CCDC88C: variants seen among roughly 807,000 people sequenced by gnomAD.
CCDC88C encodes protein Daple.
Under a neutral mutation model 198.8 loss-of-function variants are expected in CCDC88C, and 131 were observed. The observed-to-expected ratio is 0.66, with a 90% CI of 0.57 to 0.76. The LOEUF (loss-of-function observed/expected upper bound fraction) is 0.76, where lower values mean the gene tolerates loss of function less well. CCDC88C is among the 30% of genes least tolerant of loss of function. CCDC88C has a pLI of 0.00. For missense variants in CCDC88C, 2,553 were observed against 2,631.6 expected, an observed-to-expected ratio of 0.97 and a Z score of 0.65; for synonymous variants, 1,166 against 1,114.7, an observed-to-expected ratio of 1.05 and a Z score of -0.92.
chr14:91,375,229 A>C (rs1290690314), intron 3 of CCDC88C, among the ~76,000 whole-genome samples: 1 of 152,176 alleles, frequency 6.6e-6, no homozygotes, highest in Non-Finnish European at 1.5e-5. Context: ...ATGAAGGGCC[A>C]CAGGCCCCAG....
At chr14:91,275,914 C>T (rs888425479) in intron 29 of CCDC88C, among the ~76,000 whole-genome samples, 2 of 149,814 alleles carry the variant, frequency 1.3e-5, no homozygotes, top group East Asian at 2.0e-4. Flanking sequence ...CTCCGCCTCC[C>T]GGGTTCACGC....
Position 91,342,417 on chromosome 14 carries a change from A to C in CCDC88C, c.446T>G (p.Ile149Ser). ...EFIERIKQLDIETQAGIVAHI... is the reference protein window; with the variant it reads ...EFIERIKQLDSETQAGIVAHI... ...GGCCACGATGCCAGCCTGGGTCTCA[A>C]TGTCCAGCTGTTTGATTCTTTCAAT... Residue 149 changes from isoleucine to serine, a missense_variant, in exon 6 of 30, where the codon ATT (isoleucine) becomes AGT (serine). Physicochemically the swap from Ile to Ser is moderately radical, Grantham distance 142 (BLOSUM62 -2). Transcript: ENST00000389857. 1 of 1,598,652 alleles carries C rather than the reference A, an allele frequency of 6.3e-7. No homozygotes were observed. The highest frequency in any genetic ancestry group is 8.5e-7 in the Non-Finnish European group (1 of 1,172,640).
At chr14:91,397,355 C>A (rs1885907101) in intron 3 of CCDC88C, among the ~76,000 whole-genome samples, 1 of 152,302 alleles carries the variant, frequency 6.6e-6, no homozygotes, top group South Asian at 2.1e-4. Flanking sequence ...GATGGCCGCT[C>A]CTGAAACAGG....
intron 14 of CCDC88C, among the ~76,000 whole-genome samples, chr14:91,314,802 T>A (rs1785924323): frequency 6.6e-6 from 1 of 152,056 alleles, no homozygotes; most frequent in South Asian, 2.1e-4. Flanking sequence ...CTAACCATCT[T>A]CTCTGGGCTT....
At chr14:91,362,465 C>T (rs1374383119) in intron 3 of CCDC88C, among the ~76,000 whole-genome samples, 1 of 152,172 alleles carries the variant, frequency 6.6e-6, no homozygotes, top group African/African-American at 2.4e-5. Flanking sequence ...CTGAAGGTCA[C>T]TGCAAAAAAT....
At chr14:91,340,367 A>AG (rs1486474916) in intron 6 of CCDC88C, among the ~76,000 whole-genome samples, 1 of 152,264 alleles carries the variant, frequency 6.6e-6, no homozygotes, top group Non-Finnish European at 1.5e-5. Flanking sequence ...CTTCAGGGTG[A>AG]GAGGGTGAGG....
At chr14:91,294,341 C>G (rs1292219218) in intron 22 of CCDC88C, 23 bp from the exon 23 acceptor site, 1 of 1,612,444 alleles carries the variant, frequency 6.2e-7, no homozygotes, top group Non-Finnish European at 8.5e-7. Flanking sequence ...CCAACAGCGT[C>G]TCAGACACCA....
chr14:91,274,104 A>AGGT (rs1889859182), intron 29 of CCDC88C, among the ~76,000 whole-genome samples: 1 of 151,686 alleles, frequency 6.6e-6, no homozygotes, highest in Non-Finnish European at 1.5e-5. Context: ...TGCGCCACCG[A>AGGT]GAGCAAGAGG....
chr14:91,352,107 A>G lies in CCDC88C; in HGVS notation c.340+7535T>C, dbSNP rs1040372485. Among the ~76,000 whole-genome samples the G allele has an allele frequency of 6.6e-6, 1 of 152,206 alleles. No individual in the cohort carries two copies. The highest frequency in any genetic ancestry group is 2.4e-5 in the African/African-American group (1 of 41,460). On this transcript the variant is annotated intron_variant, in intron 4 of 29. Coordinates refer to ENST00000389857, the MANE Select transcript of CCDC88C (RefSeq NM_001080414.4). This position sits in a 1 kb window ranked among gnomAD's most constrained non-coding sequence, Gnocchi z 4.2. ...GGTCCCTCCCAACCACCACGTGGAA[A>G]ACTCAAACATAAAGACCTTTGACAA...
intron 1 of CCDC88C, chr14:91,417,256 A>T (rs998486587): frequency 2.9e-6 from 2 of 697,818 alleles, no homozygotes; most frequent in Admixed American, 2.0e-5. Context: ...ACTACATGAG[A>T]TATTTGGTTG....
intron 2 of CCDC88C, among the ~76,000 whole-genome samples, chr14:91,416,086 G>A (rs1213805656): frequency 6.6e-6 from 1 of 152,214 alleles, no homozygotes; most frequent in Non-Finnish European, 1.5e-5. Flanking sequence ...ATCAGGCCGT[G>A]CAGAGCTCAG....
chr14:91,370,018 T>C (rs1471257856), intron 3 of CCDC88C, among the ~76,000 whole-genome samples: 3 of 152,230 alleles, frequency 2.0e-5, no homozygotes, highest in Non-Finnish European at 4.4e-5. Flanking sequence ...GTCGGTTCTT[T>C]GTTCACAGAA....
chr14:91,356,023 G>A (rs905850426), intron 4 of CCDC88C, among the ~76,000 whole-genome samples: 8 of 151,990 alleles, frequency 5.3e-5, no homozygotes, highest in Non-Finnish European at 7.4e-5. Context: ...CACACACGAC[G>A]GGGATAGATT....
In CCDC88C at chr14:91,339,908, G is replaced by C; in HGVS notation, c.600C>G (p.Ile200Met). 1 of 1,591,722 alleles carries C rather than the reference G, an allele frequency of 6.3e-7. No individual in the cohort carries two copies. Among genetic ancestry groups the C allele is most frequent in the Non-Finnish European group, 8.5e-7 (1 of 1,170,322 alleles). ...CCTCGGTGCACTCGTCCCGCTGGTCGATGAGCCTCCGCAGGTGGAGCACCA... is the reference window on the plus strand; with the variant it reads ...CCTCGGTGCACTCGTCCCGCTGGTCCATGAGCCTCCGCAGGTGGAGCACCA... ...RSMVLHLRRL[I>M]DQRDECTELI... Residue 200 changes from isoleucine (I) to methionine (M), a missense_variant, in exon 7 of 30, where the codon ATC becomes ATG. Physicochemically the swap from Ile to Met is conservative, Grantham distance 10. Around this residue, in one of 2 missense-constraint regions of CCDC88C, gnomAD observed 1,260 missense variants for 1,412.0 expected, o/e 0.89. Coordinates refer to ENST00000389857, the MANE Select transcript of CCDC88C (RefSeq NM_001080414.4). The surrounding 1 kb of genome is among the most constrained non-coding windows in gnomAD (Gnocchi z 5.8).
Position 91,338,138 on chromosome 14 carries a change from C to G in CCDC88C, c.917G>C (p.Arg306Pro). ...CTCGTCTCGATAGGCACGAGCAGAC[C>G]GGGCGTCTGCCGCTAGCTGGATGTT... ...QENIQLAADA[R>P]SARAYRDELD... The change falls in exon 10 of 30, where the codon CGG becomes CCG. Residue 306 changes from arginine (R) to proline (P), a missense_variant. This residue lies in a region of CCDC88C where 1,260 missense variants were observed against 1,412.0 expected (regional missense o/e 0.89). Transcript: ENST00000389857. This position sits in a 1 kb window ranked among gnomAD's most constrained non-coding sequence, Gnocchi z 4.8. 2 of 1,613,846 alleles carry G rather than the reference C, an allele frequency of 1.2e-6. No individual in the cohort carries two copies. Among genetic ancestry groups the G allele is most frequent in the Non-Finnish European group, 1.7e-6 (2 of 1,179,842 alleles).
rs115634664 is a variant in CCDC88C at position 91,299,584 on chromosome 14, G to A, written c.3779+343C>T. Among the ~76,000 whole-genome samples the A allele has an allele frequency of 2.4e-3, 364 of 152,326 alleles. 1 individual carries two copies. The highest frequency in any genetic ancestry group is 8.4e-3 in the African/African-American group (351 of 41,570). ...AGGTGGATTCACAAATAGGGGTTCTGTGAATCATGAGCAATCTGCAGTTTC... is the reference window on the plus strand; with the variant it reads ...AGGTGGATTCACAAATAGGGGTTCTATGAATCATGAGCAATCTGCAGTTTC... On this transcript the variant is annotated intron_variant, in intron 21 of 29. Transcript: ENST00000389857.
In CCDC88C at chr14:91,352,409, G is replaced by C. The variant is rs1357349433; in HGVS notation, c.340+7233C>G. ...CTCCTGGCTTAAGTGCCCCAGCACC[G>C]CACGTGGACTGGAGCCCTCATTTCC... On this transcript the variant is annotated intron_variant, in intron 4 of 29. Transcript: ENST00000389857. The surrounding 1 kb of genome is among the most constrained non-coding windows in gnomAD (Gnocchi z 4.2). Among the ~76,000 whole-genome samples, 1 of 152,206 alleles carries C rather than the reference G, an allele frequency of 6.6e-6. No individual in the cohort carries two copies. The highest frequency in any genetic ancestry group is 2.4e-5 in the African/African-American group (1 of 41,450).
rs1890634821 is a variant in CCDC88C, at chr14:91,290,936, G to A, written c.4202+59C>T. 6.7e-6 allele frequency: 7 copies of A among 1,045,606 alleles called. No individual in the cohort carries two copies. The Admixed American group carries it at 1.2e-4, about 18-fold the overall frequency. 64.8% of individuals were successfully genotyped at this position (1,045,606 alleles called of 1,614,324 possible). A position where few individuals can be genotyped will look rare whatever the true frequency, so the allele number is the denominator to read the frequency against. Reference sequence around the variant, plus strand: ...CCCTAGATGGCTGCTTTCACCCTGTGCACAGAAAAGGAAGCTTTTAAGTTC... The same window carrying A: ...CCCTAGATGGCTGCTTTCACCCTGTACACAGAAAAGGAAGCTTTTAAGTTC... On this transcript the variant is annotated intron_variant, in intron 24 of 29. Coordinates refer to ENST00000389857, the MANE Select transcript of CCDC88C (RefSeq NM_001080414.4).
chr14:91,357,757 TGA>T, intron 4 of CCDC88C, among the ~76,000 whole-genome samples: 1 of 152,156 alleles, frequency 6.6e-6, no homozygotes, highest in Admixed American at 6.5e-5. Context: ...CCAGAAATCA[TGA>T]GAGTCCCCCG....
Sources: gnomAD v4.1 joint callset for allele counts (sites outside exome capture counted in the v4.1 genomes callset) on GRCh38, gnomAD v4.1.1 for gene constraint, gnomAD v4.1.1 regional missense constraint, Gnocchi (gnomAD v3.1) non-coding constraint, MANE v1.5 for transcripts, NCBI Gene and HGNC (gene_info 2026-07-23, HGNC 2026-07-21) for gene names.